BAZ2B: variants seen among roughly 807,000 people sequenced by gnomAD.
BAZ2B encodes bromodomain adjacent to zinc finger domain 2B.
A neutral mutation model predicts 246.0 loss-of-function variants in BAZ2B; 91 were observed. That is an observed-to-expected ratio of 0.37 (90% CI 0.31 to 0.44). The LOEUF (loss-of-function observed/expected upper bound fraction) is 0.44, where lower values mean the gene tolerates loss of function less well. Ranked by LOEUF, BAZ2B falls within the 20% of genes least tolerant of loss-of-function variation. The probability of loss-of-function intolerance (pLI) is 1.00; values close to 1 mark genes in which losing one functional copy is unlikely to be tolerated. For missense variants in BAZ2B, 2,332 were observed against 2,533.7 expected, an observed-to-expected ratio of 0.92 and a Z score of 1.71; for synonymous variants, 855 against 860.0, an observed-to-expected ratio of 0.99 and a Z score of 0.10.
At chr2:159,441,291 G>T (rs1038465917) in intron 6 of BAZ2B, among the ~76,000 whole-genome samples, 8 of 152,154 alleles carry the variant, frequency 5.3e-5, no homozygotes, top group Non-Finnish European at 7.3e-5. Flanking sequence ...GAGAAATGGG[G>T]ACTATACTCC....
chr2:159,579,651 T>A (rs546203602), intron 1 of BAZ2B, among the ~76,000 whole-genome samples: 16 of 152,310 alleles, frequency 1.1e-4, no homozygotes, highest in Middle Eastern at 3.4e-3. Flanking sequence ...ATATCCCTGA[T>A]GAACATCGAT....
chr2:159,657,786 C>G, the BAZ2B span, among the ~76,000 whole-genome samples: 1 of 152,154 alleles, frequency 6.6e-6, no homozygotes, highest in Non-Finnish European at 1.5e-5. Context: ...AAGAAAGCAA[C>G]TGGATTTTGT....
At chr2:159,467,815 G>A (rs2077269256) in intron 3 of BAZ2B, among the ~76,000 whole-genome samples, 1 of 152,192 alleles carries the variant, frequency 6.6e-6, no homozygotes, top group Non-Finnish European at 1.5e-5. Flanking sequence ...GGAGAGTTTA[G>A]TCTGGACCAA....
At chr2:159,650,519 T>C in the BAZ2B span, among the ~76,000 whole-genome samples, 1 of 152,138 alleles carries the variant, frequency 6.6e-6, no homozygotes, top group African/African-American at 2.4e-5. Context: ...AAGGCACTAT[T>C]CCTATTCCTG....
chr2:159,409,494 T>TA (rs1479592548), intron 14 of BAZ2B, among the ~76,000 whole-genome samples: 1 of 152,216 alleles, frequency 6.6e-6, no homozygotes, highest in Non-Finnish European at 1.5e-5. Flanking sequence ...TCTGAGAAAT[T>TA]AGAGTTCTCA....
intron 2 of BAZ2B, among the ~76,000 whole-genome samples, chr2:159,495,926 C>T (rs891926081): frequency 6.6e-6 from 1 of 151,472 alleles, no homozygotes; most frequent in African/African-American, 2.4e-5. Flanking sequence ...CATCATCCCG[C>T]CCAGCCAATT....
chr2:159,458,928 G>A (rs1275831951), intron 3 of BAZ2B: 1 of 152,050 alleles, frequency 6.6e-6, no homozygotes, highest in East Asian at 1.9e-4. Context: ...TTTAGCTCAG[G>A]ATTTCCAATA....
At chr2:159,675,329 T>A in the BAZ2B span, among the ~76,000 whole-genome samples, 1 of 152,026 alleles carries the variant, frequency 6.6e-6, no homozygotes, top group Non-Finnish European at 1.5e-5. Flanking sequence ...TTAACAAATG[T>A]TAAATGAGCC....
rs376816513 is a variant in BAZ2B at position 159,361,280 on chromosome 2, A to T, written c.4214-10923T>A. ...GAAAATATAAACAACCCCATCAAAAAGTGGGTGAAGGATATGAATAGACAC... is the reference window on the plus strand; with the variant it reads ...GAAAATATAAACAACCCCATCAAAATGTGGGTGAAGGATATGAATAGACAC... On this transcript the variant is annotated intron_variant, in intron 27 of 36. Transcript: ENST00000392783. 5.1e-4 allele frequency among the ~76,000 whole-genome samples: 78 copies of T among 152,350 alleles called. No individual in the cohort carries two copies. The South Asian group carries it at 0.016, about 31-fold the overall frequency.
At chr2:159,589,529 T>C (rs1022087735) in intron 1 of BAZ2B, among the ~76,000 whole-genome samples, 2 of 152,176 alleles carry the variant, frequency 1.3e-5, no homozygotes, top group African/African-American at 2.4e-5. Context: ...GAAGAAACTA[T>C]TTGAGTTACA....
In BAZ2B at chr2:159,478,566, G is replaced by T; in HGVS notation, c.145+9C>A. Reference sequence around the variant, plus strand: ...GCATTCTAAAATTGAGTTAAAAAAGGGTATTCACCACATGGGTTGATTGTA... The same window carrying T: ...GCATTCTAAAATTGAGTTAAAAAAGTGTATTCACCACATGGGTTGATTGTA... On this transcript the variant is annotated intron_variant, in intron 3 of 36. Coordinates refer to ENST00000392783, the MANE Select transcript of BAZ2B (RefSeq NM_013450.4). 6.3e-7 allele frequency: 1 copy of T among 1,578,946 alleles called. No individual in the cohort carries two copies. The highest frequency in any genetic ancestry group is 1.4e-5 in the African/African-American group (1 of 72,882).
intron 31 of BAZ2B, 78 bp from the exon 32 acceptor site, chr2:159,337,850 A>G: frequency 7.5e-7 from 1 of 1,335,314 alleles, no homozygotes; most frequent in East Asian, 2.4e-5. Context: ...CTTAAAATAC[A>G]GCATTGGATA....
chr2:159,519,662 C>A (rs1014908608), intron 2 of BAZ2B, among the ~76,000 whole-genome samples: 1 of 144,178 alleles, frequency 6.9e-6, no homozygotes, highest in African/African-American at 2.5e-5. Flanking sequence ...TTATAAGGGA[C>A]CTTTCTTCTT....
chr2:159,480,357 A>C lies in BAZ2B; in HGVS notation c.-2-1636T>G, dbSNP rs528013509. ...ACTTTAGCTGAGTACTTGGCATATA[A>C]GAGATCAATATAAAATAGTCATTAA... On this transcript the variant is annotated intron_variant, in intron 2 of 36. Transcript: ENST00000392783. 2.0e-5 allele frequency among the ~76,000 whole-genome samples: 3 copies of C among 152,224 alleles called. No homozygotes were observed. The South Asian group carries it at 6.2e-4, about 32-fold the overall frequency.
At chr2:159,358,796 G>C (rs2059384213) in intron 27 of BAZ2B, among the ~76,000 whole-genome samples, 1 of 152,154 alleles carries the variant, frequency 6.6e-6, no homozygotes. Context: ...TTAGAACTCA[G>C]GGTTAAGAAA....
In BAZ2B at chr2:159,350,030, G is replaced by A; in HGVS notation, c.4541C>T (p.Thr1514Ile). The change falls in exon 28 of 37, where the codon ACA becomes ATA. Residue 1514 changes from threonine to isoleucine, a missense_variant. Physicochemically the swap from Thr to Ile is moderately conservative, Grantham distance 89. Coordinates refer to ENST00000392783, the MANE Select transcript of BAZ2B (RefSeq NM_013450.4). The part of the protein sequence containing the change: ...GKHSLGSVQS[T>I]ATQSNVEKAD... ...CTTTTCCACATTGCTTTGCGTTGCT[G>A]TTGACTGAACGCTGCCCAGTGAATG... The A allele has an allele frequency of 6.2e-7, 1 of 1,614,148 alleles. No individual in the cohort carries two copies.
intron 1 of BAZ2B, among the ~76,000 whole-genome samples, chr2:159,571,281 T>C (rs1578485705): frequency 6.6e-6 from 1 of 152,270 alleles, no homozygotes; most frequent in East Asian, 1.9e-4. Context: ...CTGAATATTT[T>C]AAGCTAAAGA....
chr2:159,709,479 T>C, the BAZ2B span, among the ~76,000 whole-genome samples: 1 of 152,218 alleles, frequency 6.6e-6, no homozygotes, highest in Non-Finnish European at 1.5e-5. Flanking sequence ...ACAGAAGTCA[T>C]AAATGTTCTA....
At chr2:159,333,318 A>T (rs1239835052) in intron 33 of BAZ2B, among the ~76,000 whole-genome samples, 1 of 152,220 alleles carries the variant, frequency 6.6e-6, no homozygotes, top group Non-Finnish European at 1.5e-5. Context: ...TCTAAGGAAA[A>T]AAGATACAAT....
Sources: allele counts gnomAD v4.1 joint callset (sites outside exome capture counted in the v4.1 genomes callset), GRCh38; gene constraint gnomAD v4.1.1; transcripts MANE v1.5; gene names NCBI Gene and HGNC (gene_info 2026-07-23, HGNC 2026-07-21).